The following RTKN2 variants were observed in gnomAD, a reference collection of about 807,000 sequenced individuals.
The protein encoded by RTKN2 is rhotekin 2.
A neutral mutation model predicts 71.5 loss-of-function variants in RTKN2; 69 were observed. That is an observed-to-expected ratio of 0.96 (90% CI 0.79 to 1.18). RTKN2 has a LOEUF of 1.18. Ranked by LOEUF, RTKN2 falls within the 50% of genes most tolerant of loss-of-function variation. The pLI is 0.00. For synonymous variants in RTKN2, 236 were observed against 236.5 expected (o/e 1.00, Z 0.02); for missense variants, 724 against 719.7 (o/e 1.01, Z -0.07).
chr10:62,263,601 A>G (rs186212368), intron 1 of RTKN2, among the ~76,000 whole-genome samples: 38 of 152,320 alleles, frequency 2.5e-4, no homozygotes, highest in Non-Finnish European at 5.1e-4. Flanking sequence ...TGAATTAACC[A>G]AGAAAAACAT....
intron 5 of RTKN2, 83 bp downstream of exon 5, chr10:62,239,565 C>A: frequency 1.4e-5 from 8 of 588,806 alleles, no homozygotes; most frequent in Admixed American, 3.6e-5. Context: ...AAAATGAATC[C>A]AAAGAACCAA....
At chr10:62,214,393 T>A (rs1273163853) in intron 9 of RTKN2, among the ~76,000 whole-genome samples, 1 of 152,162 alleles carries the variant, frequency 6.6e-6, no homozygotes, top group East Asian at 1.9e-4. Flanking sequence ...TTTCCTGTGA[T>A]ATGTAATGGC....
chr10:62,224,866 T>C (rs979910224), intron 6 of RTKN2, among the ~76,000 whole-genome samples: 1 of 152,016 alleles, frequency 6.6e-6, no homozygotes, highest in African/African-American at 2.4e-5. Flanking sequence ...GCAGCAAGCA[T>C]GGTGCAACGC....
chr10:62,220,568 C>A (rs1589352350), intron 7 of RTKN2, among the ~76,000 whole-genome samples: 1 of 152,026 alleles, frequency 6.6e-6, no homozygotes, highest in Non-Finnish European at 1.5e-5. Flanking sequence ...GAGTAAGAAA[C>A]ACGAAGGATA....
intron 2 of RTKN2, among the ~76,000 whole-genome samples, chr10:62,260,316 C>G (rs1589386766): frequency 6.6e-6 from 1 of 152,174 alleles, no homozygotes; most frequent in East Asian, 1.9e-4. Context: ...ATTTACATAA[C>G]TTTCTTCAAG....
chr10:62,202,955 GT>G (rs2132818429), intron 10 of RTKN2, among the ~76,000 whole-genome samples: 1 of 152,304 alleles, frequency 6.6e-6, no homozygotes, highest in Admixed American at 6.5e-5. Context: ...GAGGTCTGGA[GT>G]TTGAGACCAG....
rs141207734 is a variant in RTKN2, at chr10:62,219,375, C to T, written c.782-1074G>A. Among the ~76,000 whole-genome samples, 702 of 152,104 alleles carry T rather than the reference C, an allele frequency of 4.6e-3. 7 individuals carry two copies. Among genetic ancestry groups the T allele is most frequent in the African/African-American group, 0.015 (613 of 41,458 alleles). ...AGAGCCCAATGAATGAAGAAGTAGC[C>T]CAGATTGAAGGACAATTAAAAAGCA... On this transcript the variant is annotated intron_variant, in intron 7 of 11. Transcript: ENST00000373789.
rs369780510 is a variant in RTKN2 at position 62,235,990 on chromosome 10, T to C, written c.686+76A>G. The C allele has an allele frequency of 1.4e-4, 151 of 1,061,808 alleles. 1 individual carries two copies. The South Asian group carries it at 2.0e-3, about 14-fold the overall frequency. The allele number at this position is 1,061,808 out of a possible 1,614,324, so 65.8% of individuals were successfully genotyped here. A position where few individuals can be genotyped will look rare whatever the true frequency, so the allele number is the denominator to read the frequency against. On this transcript the variant is annotated intron_variant, in intron 6 of 11. Transcript: ENST00000373789. The stretch of plus-strand genomic sequence containing the variant: ...TGTTTTTCCATTTATAAAGTAAACA[T>C]ACACTTCACATATAATACTTTAAAA...
In RTKN2 at chr10:62,197,288, G is replaced by C; in HGVS notation, c.*620C>G. The C allele has an allele frequency of 1.0e-6, 1 of 985,568 alleles. No individual in the cohort carries two copies. Among genetic ancestry groups the C allele is most frequent in the Non-Finnish European group, 1.2e-6 (1 of 829,738 alleles). The allele number at this position is 985,568 out of a possible 1,614,324, so 61.1% of individuals were successfully genotyped here. A position where few individuals can be genotyped will look rare whatever the true frequency, so the allele number is the denominator to read the frequency against. ...CAACAGTATTTCAGGGCTCATCAAG[G>C]AAACAAGTTTGAATAGCACATTACA... On this transcript the variant is annotated 3_prime_UTR_variant, in exon 12 of 12. Coordinates refer to ENST00000373789, the MANE Select transcript of RTKN2 (RefSeq NM_145307.4).
chr10:62,239,880 G>T, intron 4 of RTKN2, 115 bp from the exon 5 acceptor site: 1 of 638,226 alleles, frequency 1.6e-6, no homozygotes, highest in Admixed American at 2.9e-5. Flanking sequence ...TTCATACATT[G>T]TATACTGTAA....
intron 9 of RTKN2, among the ~76,000 whole-genome samples, chr10:62,211,790 G>A (rs1015818021): frequency 5.3e-5 from 8 of 151,654 alleles, no homozygotes; most frequent in African/African-American, 1.7e-4. Flanking sequence ...TTAGCCTCCC[G>A]AGTAACTGGG....
At chr10:62,222,516 T>C (rs1341500477) in intron 7 of RTKN2, among the ~76,000 whole-genome samples, 1 of 152,198 alleles carries the variant, frequency 6.6e-6, no homozygotes, top group Non-Finnish European at 1.5e-5. Context: ...ACATTATCAA[T>C]CTTATCAGTA....
chr10:62,209,924 A>T (rs1296875400), intron 9 of RTKN2, among the ~76,000 whole-genome samples: 4 of 152,162 alleles, frequency 2.6e-5, no homozygotes, highest in African/African-American at 7.2e-5. Flanking sequence ...TGCAATGAAA[A>T]TATGTGTGCA....
intron 11 of RTKN2, among the ~76,000 whole-genome samples, chr10:62,199,245 C>T (rs1156416582): frequency 6.6e-6 from 1 of 152,094 alleles, no homozygotes; most frequent in Non-Finnish European, 1.5e-5. Flanking sequence ...AAATAAACAC[C>T]CTTCAAGGTG....
At chr10:62,213,098 G>A (rs1239749179) in intron 9 of RTKN2, among the ~76,000 whole-genome samples, 1 of 152,138 alleles carries the variant, frequency 6.6e-6, no homozygotes, top group Non-Finnish European at 1.5e-5. Flanking sequence ...AATGCCAAAA[G>A]GAAGGACATA....
chr10:62,245,304 A>G (rs1363431126), intron 3 of RTKN2, among the ~76,000 whole-genome samples: 2 of 152,138 alleles, frequency 1.3e-5, no homozygotes, highest in Non-Finnish European at 2.9e-5. Flanking sequence ...ATAGATAAAC[A>G]AACAGATATT....
At chr10:62,246,196 T>C in intron 2 of RTKN2, 139 bp from the exon 3 acceptor site, 1 of 587,670 alleles carries the variant, frequency 1.7e-6, no homozygotes, top group Non-Finnish European at 3.0e-6. Flanking sequence ...GTAAACTATT[T>C]GACTCAAACT....
chr10:62,213,787 T>C (rs1337061956), intron 9 of RTKN2, among the ~76,000 whole-genome samples: 1 of 152,170 alleles, frequency 6.6e-6, no homozygotes, highest in Non-Finnish European at 1.5e-5. Context: ...GTGGTATGTA[T>C]ATGGGCCATC....
At chr10:62,241,680 GC>G (rs1842377922) in intron 3 of RTKN2, among the ~76,000 whole-genome samples, 1 of 152,094 alleles carries the variant, frequency 6.6e-6, no homozygotes, top group Non-Finnish European at 1.5e-5. Context: ...TAGGGCTCAA[GC>G]AAACCTCCCA....
Sources: allele counts gnomAD v4.1 joint callset (sites outside exome capture counted in the v4.1 genomes callset), GRCh38; gene constraint gnomAD v4.1.1; transcripts MANE v1.5; gene names NCBI Gene and HGNC (gene_info 2026-07-23, HGNC 2026-07-21).